The following ZNG1E variants were observed in gnomAD, a reference collection of about 807,000 sequenced individuals.
ZNG1E encodes Zn regulated GTPase metalloprotein activator 1E, also known as zinc-regulated GTPase metalloprotein activator 1E.
chr9:65,676,581 C>A, the ZNG1E span, among the ~76,000 whole-genome samples: 1 of 150,702 alleles, frequency 6.6e-6, no homozygotes. Context: ...GCAGATTCCC[C>A]TTCCCCAGGA....
chr9:65,722,704 T>G, the ZNG1E span, among the ~76,000 whole-genome samples: 2 of 135,268 alleles, frequency 1.5e-5, no homozygotes, highest in African/African-American at 2.8e-5. Context: ...CTAATTTTTT[T>G]TTTTTTTTTT....
the ZNG1E span, among the ~76,000 whole-genome samples, chr9:65,672,697 C>A: frequency 1.3e-5 from 2 of 148,480 alleles, no homozygotes; most frequent in Admixed American, 6.7e-5. Flanking sequence ...GAGCCAAGAT[C>A]GTGCCACTGC....
At chr9:65,665,541 A>C in the ZNG1E span, among the ~76,000 whole-genome samples, 1 of 151,906 alleles carries the variant, frequency 6.6e-6, no homozygotes, top group Non-Finnish European at 1.5e-5. Flanking sequence ...GGCAGTGTGA[A>C]AGGGAAATGT....
the ZNG1E span, among the ~76,000 whole-genome samples, chr9:65,654,456 C>T: frequency 7.3e-6 from 1 of 136,452 alleles, no homozygotes; most frequent in Non-Finnish European, 1.6e-5. Context: ...GTTCTTCAGG[C>T]TCTGCAAGAA....
chr9:65,684,533 T>TAC, the ZNG1E span, among the ~76,000 whole-genome samples: 4 of 90,170 alleles, frequency 4.4e-5, no homozygotes, highest in Non-Finnish European at 7.2e-5. Flanking sequence ...CAAGACTGTA[T>TAC]ACACACACAC....
chr9:65,681,009 C>T, the ZNG1E span, among the ~76,000 whole-genome samples: 63 of 152,232 alleles, frequency 4.1e-4, no homozygotes, highest in African/African-American at 1.4e-3. Context: ...AGGGTGGTCT[C>T]GATCTCCTGA....
the ZNG1E span, among the ~76,000 whole-genome samples, chr9:65,686,628 C>T: frequency 5.9e-5 from 9 of 152,294 alleles, no homozygotes; most frequent in South Asian, 1.7e-3. Flanking sequence ...GAGCGAGACT[C>T]CATCTCAAAA....
At chr9:65,715,104 G>A in the ZNG1E span, among the ~76,000 whole-genome samples, 7 of 149,602 alleles carry the variant, frequency 4.7e-5, no homozygotes, top group East Asian at 1.9e-4. Flanking sequence ...CTCCTGGTGC[G>A]CCGTTTTTCA....
At chr9:65,710,038 T>C in the ZNG1E span, among the ~76,000 whole-genome samples, 2 of 146,872 alleles carry the variant, frequency 1.4e-5, no homozygotes, top group African/African-American at 5.3e-5. Flanking sequence ...TTTTTAATGA[T>C]TGCCATTCTA....
the ZNG1E span, among the ~76,000 whole-genome samples, chr9:65,668,173 T>G: frequency 2.0e-5 from 3 of 151,812 alleles, no homozygotes; most frequent in Non-Finnish European, 4.4e-5. Context: ...GTTATAATTT[T>G]ATGAATGCAC....
the ZNG1E span, among the ~76,000 whole-genome samples, chr9:65,654,905 C>G: frequency 6.7e-6 from 1 of 149,460 alleles, no homozygotes; most frequent in African/African-American, 2.4e-5. Flanking sequence ...TTAATATTGC[C>G]ACAGTCCTTA....
chr9:65,700,816 G>A, the ZNG1E span: 1 of 143,582 alleles, frequency 7.0e-6, no homozygotes, highest in South Asian at 2.1e-4. Context: ...AGTCTTCCCT[G>A]ACTCAAGTGG....
chr9:65,700,932 T>G, the ZNG1E span: 3 of 148,274 alleles, frequency 2.0e-5, no homozygotes, highest in Non-Finnish European at 4.3e-5. Context: ...CCAAGGCTGA[T>G]CAGCATAGGA....
chr9:65,680,609 C>T, the ZNG1E span, among the ~76,000 whole-genome samples: 1,956 of 151,286 alleles, frequency 0.013, no homozygotes, highest in African/African-American at 0.044. Flanking sequence ...TAAAACTACT[C>T]GATTTTATGG....
At chr9:65,680,655 C>T in the ZNG1E span, among the ~76,000 whole-genome samples, 7 of 152,252 alleles carry the variant, frequency 4.6e-5, no homozygotes. Flanking sequence ...AGAACTTCAC[C>T]GTTTGGTATA....
chr9:65,662,639 A>G, the ZNG1E span, among the ~76,000 whole-genome samples: 1 of 151,394 alleles, frequency 6.6e-6, no homozygotes, highest in East Asian at 2.0e-4. Flanking sequence ...ATTAATGGTG[A>G]AGTGGTGACG....
chr9:65,677,972 C>G, the ZNG1E span, among the ~76,000 whole-genome samples: 19 of 149,830 alleles, frequency 1.3e-4, no homozygotes, highest in African/African-American at 4.5e-4. Context: ...TCCATTCCCC[C>G]CTTCCCTTAA....
the ZNG1E span, chr9:65,681,836 T>G: frequency 6.5e-7 from 1 of 1,547,356 alleles, no homozygotes; most frequent in Admixed American, 2.1e-5. Flanking sequence ...TTAAAGTGTT[T>G]TTGCTGTCTT....
the ZNG1E span, among the ~76,000 whole-genome samples, chr9:65,709,526 CAG>C: frequency 1.6e-5 from 2 of 125,788 alleles, no homozygotes; most frequent in Non-Finnish European, 3.2e-5. Flanking sequence ...CAACAGTCCC[CAG>C]AGTGTGATGT....
Sources: allele counts gnomAD v4.1 joint callset (sites outside exome capture counted in the v4.1 genomes callset), GRCh38; gene constraint gnomAD v4.1.1; transcripts MANE v1.5; gene names NCBI Gene and HGNC (gene_info 2026-07-23, HGNC 2026-07-21).